CCDC3: variants seen among roughly 807,000 people sequenced by gnomAD.
The protein encoded by CCDC3 is coiled-coil domain-containing protein 3.
Under a neutral mutation model 21.4 loss-of-function variants are expected in CCDC3, and 24 were observed. The ratio of observed to expected loss-of-function variants is 1.12; its 90% CI spans 0.81 to 1.58. The LOEUF (loss-of-function observed/expected upper bound fraction) is 1.58, where lower values mean the gene tolerates loss of function less well. Ranked by LOEUF, CCDC3 falls within the 40% of genes most tolerant of loss-of-function variation. CCDC3 has a pLI of 0.00. For missense variants in CCDC3, 425 were observed against 360.9 expected, an observed-to-expected ratio of 1.18 and a Z score of -1.44; for synonymous variants, 186 against 166.0, an observed-to-expected ratio of 1.12 and a Z score of -0.93.
chr10:12,933,041 A>AC (rs1834674799), intron 2 of CCDC3, among the ~76,000 whole-genome samples: 1 of 152,016 alleles, frequency 6.6e-6, no homozygotes, highest in African/African-American at 2.4e-5. Context: ...CTTTTTATAT[A>AC]CTGTTGGATT....
intron 5 of CCDC3, among the ~76,000 whole-genome samples, chr10:13,009,421 C>T (rs1165492980): frequency 6.6e-6 from 1 of 152,012 alleles, no homozygotes; most frequent in Admixed American, 6.6e-5. Flanking sequence ...TAAGCATAGT[C>T]AAAATTCCAT....
intron 4 of CCDC3, among the ~76,000 whole-genome samples, chr10:13,060,896 C>T (rs775090245): frequency 1.3e-4 from 20 of 151,930 alleles, no homozygotes; most frequent in Non-Finnish European, 1.8e-4. Flanking sequence ...GCAATCTCAA[C>T]GGAGGTGTTG....
chr10:13,013,875 G>C (rs934583915), intron 5 of CCDC3, among the ~76,000 whole-genome samples: 10 of 152,198 alleles, frequency 6.6e-5, no homozygotes, highest in African/African-American at 2.2e-4. Flanking sequence ...TGCATCGCTG[G>C]GCATGTGGCT....
chr10:13,074,508 GTTCTT>G (rs1381944965), intron 3 of CCDC3, among the ~76,000 whole-genome samples: 2 of 151,236 alleles, frequency 1.3e-5, no homozygotes, highest in Non-Finnish European at 3.0e-5. Context: ...TTCTTCTGGA[GTTCTT>G]TTAATGCTTT....
At chr10:13,060,438 CAG>C (rs1836742224) in intron 4 of CCDC3, among the ~76,000 whole-genome samples, 1 of 152,068 alleles carries the variant, frequency 6.6e-6, no homozygotes, top group African/African-American at 2.4e-5. Flanking sequence ...CAGAAGTCAT[CAG>C]AGAGGTGGGA....
At chr10:12,978,839 T>C (rs956916516) in intron 2 of CCDC3, among the ~76,000 whole-genome samples, 2 of 152,186 alleles carry the variant, frequency 1.3e-5, no homozygotes, top group Non-Finnish European at 2.9e-5. Flanking sequence ...CATGTAAGAA[T>C]GTTCTTCCTT....
intron 5 of CCDC3, among the ~76,000 whole-genome samples, chr10:13,031,560 G>T (rs184537418): frequency 1.3e-5 from 2 of 152,136 alleles, no homozygotes; most frequent in East Asian, 3.9e-4. Flanking sequence ...TACAGGAGCT[G>T]GTTTTTTGAA....
At position 12,911,251 on chromosome 10, in the gene CCDC3, T is replaced by C. The variant is rs1434483360; in HGVS notation, c.550-12572A>G. Among the ~76,000 whole-genome samples the C allele has an allele frequency of 9.9e-5, 15 of 152,200 alleles. 1 individual carries two copies. Among genetic ancestry groups the C allele is most frequent in the Admixed American group, 9.8e-4 (15 of 15,280 alleles). ...TAACATTGTTGGATTTCCTTATTAA[T>C]GGCTAATTTGTTCTTTCTTCCACTA... is the stretch of plus-strand genomic sequence containing the variant. On this transcript the variant is annotated intron_variant, in intron 2 of 2. Coordinates refer to ENST00000378825, the MANE Select transcript of CCDC3 (RefSeq NM_031455.4).
intron 5 of CCDC3, among the ~76,000 whole-genome samples, chr10:13,033,956 T>G (rs775411162): frequency 1.3e-4 from 20 of 152,166 alleles, no homozygotes; most frequent in Non-Finnish European, 1.9e-4. Context: ...GATCTAGAAC[T>G]AGAAATACCA....
At chr10:13,002,644 T>G (rs879721139), upstream of CCDC3, among the ~76,000 whole-genome samples, 4 of 152,206 alleles carry the variant, frequency 2.6e-5, no homozygotes, top group Admixed American at 1.3e-4. Flanking sequence ...CCTCCCAAAG[T>G]GCTGAACTTT....
chr10:13,061,753 G>A (rs1836760384), intron 4 of CCDC3, among the ~76,000 whole-genome samples: 1 of 152,210 alleles, frequency 6.6e-6, no homozygotes, highest in African/African-American at 2.4e-5. Context: ...GGGATCAATA[G>A]AAAGGAAATA....
At chr10:13,081,169 A>G (rs1837035499) in intron 3 of CCDC3, among the ~76,000 whole-genome samples, 1 of 152,068 alleles carries the variant, frequency 6.6e-6, no homozygotes, top group African/African-American at 2.4e-5. Flanking sequence ...AAAGTAAAAA[A>G]AAAAAAAAAA....
At position 13,075,825 on chromosome 10, in the gene CCDC3, G is replaced by A. The variant is rs1459839022; in HGVS notation, c.-502-1725C>T. Among the ~76,000 whole-genome samples, 4 of 152,112 alleles carry A rather than the reference G, an allele frequency of 2.6e-5. No homozygotes were observed. In the South Asian group the frequency reaches 8.3e-4, roughly 32 times the overall value. ...GCACTTTCAGTGGCCAAGGTGAGCG[G>A]ATCACTTGAGGTCAGGAGTTTGAGA... On this transcript the variant is annotated intron_variant, in intron 3 of 6. Transcript: ENST00000378839.
In CCDC3 at chr10:13,079,888, G is replaced by A. The variant is rs142352055; in HGVS notation, c.-502-5788C>T. On this transcript the variant is annotated intron_variant, in intron 3 of 6. Coordinates refer to the CCDC3 transcript ENST00000378839. ...AGAGACAGAAAGCAAAAATCTTTTG[G>A]CAAAGTTCCAAAGTTCTCTAGACGA... Among the ~76,000 whole-genome samples the A allele has an allele frequency of 3.4e-3, 524 of 152,218 alleles. 1 individual carries two copies. Among genetic ancestry groups the A allele is most frequent in the African/African-American group, 0.012 (496 of 41,534 alleles).
At chr10:13,042,261 C>G (rs1836466835) in intron 5 of CCDC3, among the ~76,000 whole-genome samples, 1 of 152,228 alleles carries the variant, frequency 6.6e-6, no homozygotes. Flanking sequence ...AACTGCAAAT[C>G]TGCAAATCAT....
At chr10:13,080,431 GC>G (rs1285659119) in intron 3 of CCDC3, among the ~76,000 whole-genome samples, 3 of 152,180 alleles carry the variant, frequency 2.0e-5, no homozygotes, top group African/African-American at 7.2e-5. Context: ...AAGTAATTAG[GC>G]CTCCTGAATG....
chr10:12,977,800 T>C (rs563209158), intron 2 of CCDC3, among the ~76,000 whole-genome samples: 10 of 152,326 alleles, frequency 6.6e-5, no homozygotes, highest in South Asian at 6.2e-4. Context: ...ATGAAAAGAA[T>C]TGCATTTAAA....
At chr10:12,985,904 T>C (rs570435913) in intron 2 of CCDC3, among the ~76,000 whole-genome samples, 96 of 152,190 alleles carry the variant, frequency 6.3e-4, no homozygotes, top group African/African-American at 2.0e-3. Context: ...GGGACGGAGT[T>C]TTGCTCTGTC....
At chr10:12,980,456 C>T (rs575490436) in intron 2 of CCDC3, among the ~76,000 whole-genome samples, 2 of 152,114 alleles carry the variant, frequency 1.3e-5, no homozygotes, top group East Asian at 1.9e-4. Context: ...GTAAAACCTC[C>T]GTGCCAGCTG....
Sources: gnomAD v4.1 joint callset for allele counts (sites outside exome capture counted in the v4.1 genomes callset) on GRCh38, gnomAD v4.1.1 for gene constraint, MANE v1.5 for transcripts, NCBI Gene and HGNC (gene_info 2026-07-23, HGNC 2026-07-21) for gene names.